The following MEF2B variants were observed in gnomAD, a reference collection of about 807,000 sequenced individuals.
The protein encoded by MEF2B is myocyte-specific enhancer factor 2B.
In MEF2B, 15 loss-of-function variants were observed where a neutral mutation model predicts 32.2. That is an observed-to-expected ratio of 0.47 (90% CI 0.31 to 0.72). The LOEUF (loss-of-function observed/expected upper bound fraction) is 0.72, where lower values mean the gene tolerates loss of function less well. Among genes scored for constraint, MEF2B ranks in the 30% least tolerant of loss-of-function variants. MEF2B has a pLI of 0.05. For synonymous variants in MEF2B, 205 were observed against 225.6 expected, an observed-to-expected ratio of 0.91 and a Z score of 0.82; for missense variants, 441 against 511.5, an observed-to-expected ratio of 0.86 and a Z score of 1.33.
At chr19:19,167,660 G>T (rs912033158) in intron 1 of MEF2B, among the ~76,000 whole-genome samples, 1 of 152,188 alleles carries the variant, frequency 6.6e-6, no homozygotes, top group Non-Finnish European at 1.5e-5. Flanking sequence ...GCATTTTCCA[G>T]ATGTCCACCT....
Position 19,147,771 on chromosome 19 carries a change from T to C in MEF2B, c.320A>G (p.Glu107Gly), listed in dbSNP as rs2060040064. 1 of 1,613,776 alleles carries C rather than the reference T, an allele frequency of 6.2e-7. No homozygotes were observed. Among genetic ancestry groups the C allele is most frequent in the Admixed American group, 1.7e-5 (1 of 59,988 alleles). The change falls in exon 4 of 9, where the codon GAG (glutamate) becomes GGG (glycine). Residue 107 changes from glutamate (E) to glycine (G), a missense_variant. By Grantham distance (98) the Glu-to-Gly change is moderately conservative. Around this residue, in one of 2 missense-constraint regions of MEF2B, gnomAD observed 115 missense variants for 183.1 expected, o/e 0.63. Coordinates refer to ENST00000424583, the MANE Select transcript of MEF2B (RefSeq NM_001145785.2). The part of the protein sequence containing the change: ...GPELEPDEGP[E>G]EPGEKFRRLA... ...CCTCCGAAACTTCTCTCCTGGCTCC[T>C]CAGGCCCTTCATCCGGCTCCAGCTC...
chr19:19,162,920 C>T (rs1460081842), intron 1 of MEF2B, among the ~76,000 whole-genome samples: 1 of 152,122 alleles, frequency 6.6e-6, no homozygotes, highest in Non-Finnish European at 1.5e-5. Flanking sequence ...ACCCACCTCT[C>T]CCCTCACTTG....
At chr19:19,146,680 G>C (rs2060029006) in intron 6 of MEF2B, 32 bp from the exon 7 acceptor site, 1 of 1,613,372 alleles carries the variant, frequency 6.2e-7, no homozygotes. Flanking sequence ...GGGAAACTGA[G>C]GCCCACACCC....
rs1179358806 is a variant in MEF2B, at chr19:19,147,144, C to T, written c.433G>A (p.Gly145Arg). The T allele has an allele frequency of 3.1e-6, 5 of 1,594,144 alleles. No homozygotes were observed. The highest frequency in any genetic ancestry group is 1.8e-5 in the Admixed American group (1 of 56,104). The change falls in exon 5 of 9, where the codon GGG (glycine) becomes AGG (arginine). Residue 145 changes from glycine (G) to arginine (R), a missense_variant. By Grantham distance (125) the Gly-to-Arg change is moderately radical (BLOSUM62 -2). Transcript: ENST00000424583. ...PAMPSPDVVY[G>R]ALPPPGCDPS... Reference sequence around the variant, plus strand: ...TCACAGCCTGGTGGCGGTAAGGCCCCGTATACCACATCTGGGCTGGGCATA... The same window carrying T: ...TCACAGCCTGGTGGCGGTAAGGCCCTGTATACCACATCTGGGCTGGGCATA...
In MEF2B at chr19:19,146,133, G is replaced by T. The variant is rs1439710108; in HGVS notation, c.882-111C>A. 4 of 1,018,824 alleles carry T rather than the reference G, an allele frequency of 3.9e-6. No homozygotes were observed. The East Asian group carries it at 1.2e-4, about 31-fold the overall frequency. The allele number at this position is 1,018,824 out of a possible 1,614,324, so 63.1% of individuals were successfully genotyped here. On this transcript the variant is annotated intron_variant, in intron 8 of 8. Transcript: ENST00000424583. ...GGCAGGAGGACCCTGGGAAAGGAGG[G>T]GGTGGCGGTCCCTCTTGGGGCCTCA... is the stretch of plus-strand genomic sequence containing the variant.
chr19:19,156,133 CA>C lies in MEF2B; in HGVS notation c.-29-5370del, dbSNP rs1350145490. ...CTTCCTACTCCTTTCATTGCACCCT[CA>C]TACTTAGCGTTTATTAAGTATCAAC... is the stretch of plus-strand genomic sequence containing the variant. On this transcript the variant is annotated intron_variant, in intron 1 of 8. Transcript: ENST00000424583. Among the ~76,000 whole-genome samples, 81 of 152,300 alleles carry C rather than the reference CA, an allele frequency of 5.3e-4. 1 individual carries two copies. Among genetic ancestry groups the C allele is most frequent in the African/African-American group, 1.9e-3 (79 of 41,570 alleles).
chr19:19,156,039 C>A (rs7360000), intron 1 of MEF2B, among the ~76,000 whole-genome samples: 1 of 151,980 alleles, frequency 6.6e-6, no homozygotes, highest in Non-Finnish European at 1.5e-5. Context: ...TGGATGTAGA[C>A]GCAGAGGCTG....
At chr19:19,159,673 G>A (rs1390684963) in intron 1 of MEF2B, among the ~76,000 whole-genome samples, 1 of 152,102 alleles carries the variant, frequency 6.6e-6, no homozygotes, top group Non-Finnish European at 1.5e-5. Flanking sequence ...CAAAAGAAGA[G>A]CTCAGGAGTG....
Position 19,146,824 on chromosome 19 carries a change from G to T in MEF2B, c.593C>A (p.Pro198His). The T allele has an allele frequency of 6.2e-7, 1 of 1,613,914 alleles. No homozygotes were observed. The highest frequency in any genetic ancestry group is 8.5e-7 in the Non-Finnish European group (1 of 1,179,922). ...SPSHLTSKTP[P>H]PLYLPTEGRR... The stretch of plus-strand genomic sequence containing the variant: ...CCCTTCCGTCGGCAGGTACAGTGGG[G>T]GTGGTGTCTTGCTGGTGAGGTGGCT... Residue 198 changes from proline (P) to histidine (H), a missense_variant, in exon 6 of 9, where the codon CCC (proline) becomes CAC (histidine). Pro to His is a moderately conservative substitution (Grantham distance 77). Coordinates refer to ENST00000424583, the MANE Select transcript of MEF2B (RefSeq NM_001145785.2).
chr19:19,168,789 G>T (rs2060230067), intron 1 of MEF2B, among the ~76,000 whole-genome samples: 1 of 151,980 alleles, frequency 6.6e-6, no homozygotes, highest in African/African-American at 2.4e-5. Context: ...TTGGCCAGAT[G>T]CGGTGGCTTA....
intron 8 of MEF2B, 88 bp from the exon 9 acceptor site, chr19:19,146,110 C>T: frequency 8.6e-7 from 1 of 1,164,742 alleles, no homozygotes. Context: ...AAAGGCTTGG[C>T]AGGAGGACCC....
chr19:19,145,673 C>G lies in MEF2B; in HGVS notation c.*124G>C. On this transcript the variant is annotated 3_prime_UTR_variant, in exon 9 of 9. Transcript: ENST00000424583. This position sits in a 1 kb window ranked among gnomAD's most constrained non-coding sequence, Gnocchi z 4.6. ...TTGAGTCCAGCCGCCCACCTCCAAG[C>G]CCCCACCGCGGAGGGGGGCGTCACT... The G allele has an allele frequency of 6.5e-7, 1 of 1,542,054 alleles. No individual in the cohort carries two copies. The highest frequency in any genetic ancestry group is 8.8e-7 in the Non-Finnish European group (1 of 1,142,454).
chr19:19,149,148 G>T (rs2060052158), intron 3 of MEF2B, 78 bp downstream of exon 3: 12 of 1,551,694 alleles, frequency 7.7e-6, no homozygotes, highest in Non-Finnish European at 1.1e-5. Flanking sequence ...CATCTTTTGT[G>T]CAAACCAAGA....
Position 19,145,830 on chromosome 19 carries a change from G to A in MEF2B, c.1074C>T (p.Arg358=). 6.5e-7 allele frequency: 1 copy of A among 1,526,860 alleles called. No individual in the cohort carries two copies. The highest frequency in any genetic ancestry group is 8.8e-7 in the Non-Finnish European group (1 of 1,133,626). 94.6% of individuals were successfully genotyped at this position (1,526,860 alleles called of 1,614,324 possible). Residue 358 remains arginine, a synonymous_variant, in exon 9 of 9, where the codon CGC becomes CGT. Coordinates refer to ENST00000424583, the MANE Select transcript of MEF2B (RefSeq NM_001145785.2). This position sits in a 1 kb window ranked among gnomAD's most constrained non-coding sequence, Gnocchi z 4.6. Reference sequence around the variant, plus strand: ...GCCAGCCGTCGGCCAAGGGCAGCCGGCGCAGGGCGGGCCCAGGCCGCAGAG... The same window carrying A: ...GCCAGCCGTCGGCCAAGGGCAGCCGACGCAGGGCGGGCCCAGGCCGCAGAG... The part of the protein sequence containing the change: ...AEPLRPGPAL[R]RLPLADGWPR
chr19:19,167,027 G>A lies in MEF2B; in HGVS notation c.-30+3178C>T, dbSNP rs551371715. Among the ~76,000 whole-genome samples the A allele has an allele frequency of 3.3e-5, 5 of 152,144 alleles. No homozygotes were observed. In the South Asian group the frequency reaches 1.0e-3, roughly 32 times the overall value. On this transcript the variant is annotated intron_variant, in intron 1 of 8. Coordinates refer to ENST00000424583, the MANE Select transcript of MEF2B (RefSeq NM_001145785.2). The stretch of plus-strand genomic sequence containing the variant: ...ACGACCAGCCTGGGCAACATGACAA[G>A]ACCCCATATTTATAATTTTTTTTTT...
chr19:19,167,490 C>G (rs551538801), intron 1 of MEF2B, among the ~76,000 whole-genome samples: 44 of 152,252 alleles, frequency 2.9e-4, no homozygotes, highest in African/African-American at 1.0e-3. Flanking sequence ...CCACTTTACT[C>G]TAGCCTGGGC....
intron 1 of MEF2B, among the ~76,000 whole-genome samples, chr19:19,161,852 G>A (rs1214648846): frequency 1.3e-5 from 2 of 149,742 alleles, no homozygotes; most frequent in African/African-American, 2.5e-5. Flanking sequence ...TTGTCACCCA[G>A]GCTGGAGTGC....
rs2146353426 is a variant in MEF2B at position 19,147,804 on chromosome 19, T to C, written c.287A>G (p.Asp96Gly). Residue 96 changes from aspartate (D) to glycine (G), a missense_variant, in exon 4 of 9, where the codon GAT becomes GGT. By Grantham distance (94) the Asp-to-Gly change is moderately conservative. Transcript: ENST00000424583. The part of the protein sequence containing the change: ...ETLKRRGIGL[D>G]GPELEPDEGP... ...TTCATCCGGCTCCAGCTCTGGCCCA[T>C]CGAGGCCAATGCCCCTCCGCTTCAG... 4 of 1,613,592 alleles carry C rather than the reference T, an allele frequency of 2.5e-6. No individual in the cohort carries two copies. The highest frequency in any genetic ancestry group is 3.4e-6 in the Non-Finnish European group (4 of 1,179,930).
intron 3 of MEF2B, among the ~76,000 whole-genome samples, chr19:19,148,793 C>G (rs986820559): frequency 1.4e-4 from 21 of 151,734 alleles, no homozygotes; most frequent in Non-Finnish European, 1.8e-4. Flanking sequence ...CTCACTGCAA[C>G]CTCCGCCTCC....
Sources: gnomAD v4.1 joint callset for allele counts (sites outside exome capture counted in the v4.1 genomes callset) on GRCh38, gnomAD v4.1.1 for gene constraint, gnomAD v4.1.1 regional missense constraint, Gnocchi (gnomAD v3.1) non-coding constraint, MANE v1.5 for transcripts, NCBI Gene and HGNC (gene_info 2026-07-23, HGNC 2026-07-21) for gene names.